IGFN1: variants seen among roughly 807,000 people sequenced by gnomAD.
The protein encoded by IGFN1 is immunoglobulin like and fibronectin type III domain containing 1, also known as immunoglobulin-like and fibronectin type III domain-containing protein 1.
In IGFN1, 253 loss-of-function variants were observed where a neutral mutation model predicts 289.5. That is an observed-to-expected ratio of 0.87 (90% CI 0.79 to 0.97). The LOEUF (loss-of-function observed/expected upper bound fraction) is 0.97, where lower values mean the gene tolerates loss of function less well. IGFN1 is among the 50% of genes least tolerant of loss of function. The pLI is 0.00. For synonymous variants in IGFN1, 1,706 were observed against 1,788.5 expected (o/e 0.95, Z 1.16); for missense variants, 4,470 against 4,686.1 (o/e 0.95, Z 1.35).
intron 5 of IGFN1, among the ~76,000 whole-genome samples, chr1:201,197,654 C>A (rs1666976834): frequency 6.6e-6 from 1 of 152,194 alleles, no homozygotes; most frequent in African/African-American, 2.4e-5. Context: ...AGTTTCTCCA[C>A]CATGCAAAGG....
chr1:201,223,647 A>G (rs1653895914), intron 20 of IGFN1, among the ~76,000 whole-genome samples: 1 of 152,172 alleles, frequency 6.6e-6, no homozygotes, highest in Non-Finnish European at 1.5e-5. Flanking sequence ...TGCTGGGATT[A>G]CAAGTGTGAG....
Position 201,207,573 on chromosome 1 carries a change from C to G in IGFN1, c.2680C>G (p.Pro894Ala), listed in dbSNP as rs1461854438. The G allele has an allele frequency of 1.3e-6, 2 of 1,536,752 alleles. No homozygotes were observed. Among genetic ancestry groups the G allele is most frequent in the Admixed American group, 2.0e-5 (1 of 50,968 alleles). The change falls in exon 12 of 24, where the codon CCA (proline) becomes GCA (alanine). Residue 894 changes from proline (P) to alanine (A), a missense_variant. By Grantham distance (27) the Pro-to-Ala change is conservative (BLOSUM62 -1). Coordinates refer to ENST00000335211, the MANE Select transcript of IGFN1 (RefSeq NM_001164586.2). ...CAGAAGCCACTGGCTAAGTAGGGCTCCAGGCCTGGGTGCTCAGGGATCTGG... is the reference window on the plus strand; with the variant it reads ...CAGAAGCCACTGGCTAAGTAGGGCTGCAGGCCTGGGTGCTCAGGGATCTGG... ...DARSHWLSRA[P>A]GLGAQGSGGT...
Position 201,212,606 on chromosome 1 carries a change from G to T in IGFN1, c.7713G>T (p.Gly2571=), listed in dbSNP as rs1259611833. The T allele has an allele frequency of 1.9e-6, 3 of 1,546,076 alleles. No individual in the cohort carries two copies. The highest frequency in any genetic ancestry group is 2.6e-6 in the Non-Finnish European group (3 of 1,144,440). ...TDRGRVAGQG[G]LASQGGGDSL... is the part of the protein sequence containing the mutation. ...GGGGTAGAGTTGCTGGCCAGGGGGG[G>T]TTGGCATCTCAGGGAGGTGGGGACT... Residue 2571 remains glycine, a synonymous_variant, in exon 12 of 24, where the codon GGG becomes GGT. Transcript: ENST00000335211.
In IGFN1 at chr1:201,207,944, G is replaced by A. The variant is rs1261200074; in HGVS notation, c.3051G>A (p.Gly1017=). Residue 1017 remains glycine (G), a synonymous_variant, in exon 12 of 24, where the codon GGG becomes GGA. Transcript: ENST00000335211. The stretch of plus-strand genomic sequence containing the variant: ...ACAGGCATGGCTCCGGAGCGCCTGG[G>A]GGAGTGTGGTCTGGAAATGAAGATT... ...GGYRHGSGAP[G]GVWSGNEDSG... The A allele has an allele frequency of 6.5e-7, 1 of 1,536,768 alleles. No homozygotes were observed. The highest frequency in any genetic ancestry group is 2.4e-5 in the East Asian group (1 of 40,910).
rs748591009 is a variant in IGFN1 at position 201,212,019 on chromosome 1, C to A, written c.7126C>A (p.His2376Asn). Reference protein sequence around the residue: ...GVPGSLAGIGHEAGPRGHKAM... With the variant: ...GVPGSLAGIGNEAGPRGHKAM... ...ACCAGGCTCACTGGCTGGAATAGGA[C>A]ATGAGGCTGGACCCAGAGGCCATAA... The change falls in exon 12 of 24, where the codon CAT becomes AAT. Residue 2376 changes from histidine to asparagine, a missense_variant. His to Asn is a moderately conservative substitution (Grantham distance 68). Around this residue, in one of 8 missense-constraint regions of IGFN1, gnomAD observed 2,218 missense variants for 2,114.1 expected, o/e 1.05. Coordinates refer to ENST00000335211, the MANE Select transcript of IGFN1 (RefSeq NM_001164586.2). 12 of 1,536,102 alleles carry A rather than the reference C, an allele frequency of 7.8e-6. No homozygotes were observed. The Admixed American group carries it at 7.8e-5, about 10-fold the overall frequency.
chr1:201,191,958 G>T (rs1666677359), intron 1 of IGFN1, among the ~76,000 whole-genome samples: 2 of 141,016 alleles, frequency 1.4e-5, no homozygotes, highest in African/African-American at 5.1e-5. Context: ...CAGTGCACTT[G>T]CATCTACCAG....
rs927997028 is a variant in IGFN1, at chr1:201,207,364, G to A, written c.2471G>A (p.Arg824Lys). 1.4e-5 allele frequency: 21 copies of A among 1,536,992 alleles called. No individual in the cohort carries two copies. In the Admixed American group the frequency reaches 2.7e-4, roughly 20 times the overall value. The stretch of plus-strand genomic sequence containing the variant: ...TCCCAGGGCTGGACAGCAGGTCACA[G>A]AGCAGCAGGGGGTATTGGCAGAATA... ...QSSQGWTAGH[R>K]AAGGIGRIES... Residue 824 changes from arginine to lysine, a missense_variant, in exon 12 of 24, where the codon AGA becomes AAA. Arg to Lys is a conservative substitution (Grantham distance 26). This residue lies in a region of IGFN1 where 2,011 missense variants were observed against 1,953.4 expected (regional missense o/e 1.03). Coordinates refer to ENST00000335211, the MANE Select transcript of IGFN1 (RefSeq NM_001164586.2).
At chr1:201,226,261 G>A in intron 22 of IGFN1, 138 bp downstream of exon 22, 1 of 989,700 alleles carries the variant, frequency 1.0e-6, no homozygotes, top group Non-Finnish European at 1.4e-6. Context: ...ATAACAGCCA[G>A]CAGCCCCGAG....
At position 201,217,461 on chromosome 1, in the gene IGFN1, G is replaced by A. The variant is rs1314788683; in HGVS notation, c.9769+1G>A. 6.2e-7 allele frequency: 1 copy of A among 1,614,054 alleles called. No individual in the cohort carries two copies. Among genetic ancestry groups the A allele is most frequent in the Non-Finnish European group, 8.5e-7 (1 of 1,179,938 alleles). On this transcript the variant is annotated splice_donor_variant, in intron 17 of 23. Transcript: ENST00000335211. LOFTEE classifies it high-confidence loss of function. ...GCAGTGAACGACCAGCCGGTGCCTG[G>A]TGAGCATTGTCCTGGCTTCCAGAGC...
chr1:201,223,158 C>A (rs919850670), intron 20 of IGFN1: 1 of 205,256 alleles, frequency 4.9e-6, no homozygotes, highest in Non-Finnish European at 9.8e-6. Context: ...GGGAGCCGGT[C>A]GTGCAGATGA....
At position 201,222,806 on chromosome 1, in the gene IGFN1, T is replaced by C. The variant is rs757581733; in HGVS notation, c.10269T>C (p.Val3423=). The change falls in exon 20 of 24, where the codon GTT becomes GTC. Residue 3423 remains valine, a synonymous_variant. Coordinates refer to ENST00000335211, the MANE Select transcript of IGFN1 (RefSeq NM_001164586.2). ...DLLTVKVGDT[V]RVPVSFEAMP... is the part of the protein sequence containing the mutation. ...TGACAGTCAAGGTCGGGGACACAGT[T>C]CGTGTGCCCGTCTCCTTTGAAGTGA... is the stretch of plus-strand genomic sequence containing the variant. 6.2e-7 allele frequency: 1 copy of C among 1,612,638 alleles called. No homozygotes were observed. The highest frequency in any genetic ancestry group is 2.2e-5 in the East Asian group (1 of 44,856).
intron 22 of IGFN1, 52 bp from the exon 23 acceptor site, chr1:201,226,830 C>G: frequency 7.1e-7 from 1 of 1,405,022 alleles, no homozygotes; most frequent in South Asian, 1.3e-5. Flanking sequence ...GGGTCTCAGC[C>G]AGGCCTTCCT....
chr1:201,216,073 C>T, intron 15 of IGFN1: 1 of 708,186 alleles, frequency 1.4e-6, no homozygotes, highest in South Asian at 1.5e-5. Flanking sequence ...GCTTCTCTGA[C>T]CCCAATACAC....
rs1212154566 is a variant in IGFN1 at position 201,211,769 on chromosome 1, T to C, written c.6876T>C (p.Gly2292=). 6.5e-7 allele frequency: 1 copy of C among 1,536,478 alleles called. No individual in the cohort carries two copies. Among genetic ancestry groups the C allele is most frequent in the East Asian group, 2.4e-5 (1 of 40,908 alleles). The change falls in exon 12 of 24, where the codon GGT becomes GGC. Residue 2292 remains glycine, a synonymous_variant. Coordinates refer to ENST00000335211, the MANE Select transcript of IGFN1 (RefSeq NM_001164586.2). ...DEAGYKNVLG[G]SGRNPLGSEA... ...CAGGTTATAAGAATGTTTTAGGGGG[T>C]TCTGGGAGGAATCCATTAGGGAGCG...
In IGFN1 at chr1:201,209,439, G is replaced by T; in HGVS notation, c.4546G>T (p.Gly1516Cys). 2 of 1,535,702 alleles carry T rather than the reference G, an allele frequency of 1.3e-6. No homozygotes were observed. Among genetic ancestry groups the T allele is most frequent in the Non-Finnish European group, 1.7e-6 (2 of 1,146,240 alleles). The change falls in exon 12 of 24, where the codon GGC (glycine) becomes TGC (cysteine). Residue 1516 changes from glycine (G) to cysteine (C), a missense_variant. This residue lies in a region of IGFN1 where 2,011 missense variants were observed against 1,953.4 expected (regional missense o/e 1.03). Transcript: ENST00000335211. ...GSGSKAGYRG[G>C]LGSGEMGSVD... is the part of the protein sequence containing the mutation. ...AGGGAGCAAAGCAGGTTATAGGGGT[G>T]GCTTAGGTTCTGGGGAAATGGGGTC...
intron 15 of IGFN1, 92 bp from the exon 16 acceptor site, chr1:201,216,362 A>C: frequency 1.3e-6 from 1 of 760,526 alleles, no homozygotes; most frequent in East Asian, 3.3e-5. Flanking sequence ...GGTGGGGGGG[A>C]GTCGGGGTGG....
rs1401589283 is a variant in IGFN1 at position 201,211,472 on chromosome 1, G to A, written c.6579G>A (p.Lys2193=). Residue 2193 remains lysine (K), a synonymous_variant, in exon 12 of 24, where the codon AAG becomes AAA. Coordinates refer to ENST00000335211, the MANE Select transcript of IGFN1 (RefSeq NM_001164586.2). ...CTGAGGGAATGGGTTCAGGGAGTAAGGCAGGTTTCAGGGATGGTTTAGGGG... is the reference window on the plus strand; with the variant it reads ...CTGAGGGAATGGGTTCAGGGAGTAAAGCAGGTTTCAGGGATGGTTTAGGGG... ...GAPEGMGSGS[K]AGFRDGLGGS... is the part of the protein sequence containing the mutation. 8.7e-6 allele frequency: 13 copies of A among 1,499,782 alleles called. No homozygotes were observed. The highest frequency in any genetic ancestry group is 1.1e-5 in the Non-Finnish European group (12 of 1,125,290). 92.9% of individuals were successfully genotyped at this position (1,499,782 alleles called of 1,614,324 possible).
chr1:201,199,198 C>A (rs1051969874), intron 5 of IGFN1, 136 bp from the exon 6 acceptor site: 22 of 742,106 alleles, frequency 3.0e-5, no homozygotes, highest in Non-Finnish European at 4.3e-5. Context: ...TTGCTGGGAT[C>A]GTCCACGCCT....
At position 201,216,866 on chromosome 1, in the gene IGFN1, G is replaced by A. The variant is rs552153163; in HGVS notation, c.9595+113G>A. On this transcript the variant is annotated intron_variant, in intron 16 of 23. Coordinates refer to ENST00000335211, the MANE Select transcript of IGFN1 (RefSeq NM_001164586.2). The stretch of plus-strand genomic sequence containing the variant: ...GACACCAGCCTGTGCTCGGGGCTTC[G>A]GAGGCCCTTCTGTAGCACTCTGGAG... 67 of 867,744 alleles carry A rather than the reference G, an allele frequency of 7.7e-5. No homozygotes were observed. The East Asian group carries it at 1.6e-3, about 21-fold the overall frequency. 53.8% of individuals were successfully genotyped at this position (867,744 alleles called of 1,614,324 possible). A position where few individuals can be genotyped will look rare whatever the true frequency, so the allele number is the denominator to read the frequency against.
Sources: gnomAD v4.1 joint callset for allele counts (sites outside exome capture counted in the v4.1 genomes callset) on GRCh38, gnomAD v4.1.1 for gene constraint, gnomAD v4.1.1 regional missense constraint, MANE v1.5 for transcripts, NCBI Gene and HGNC (gene_info 2026-07-23, HGNC 2026-07-21) for gene names.